The following SYNE2 variants were observed in gnomAD, a reference collection of about 807,000 sequenced individuals.
SYNE2 encodes the protein nesprin-2.
In SYNE2, 431 loss-of-function variants were observed where a neutral mutation model predicts 856.3. The ratio of observed to expected loss-of-function variants is 0.50; its 90% CI spans 0.47 to 0.55. The LOEUF (loss-of-function observed/expected upper bound fraction) is 0.55, where lower values mean the gene tolerates loss of function less well. Among genes scored for constraint, SYNE2 ranks in the 20% least tolerant of loss-of-function variants. The pLI is 0.00. For missense variants in SYNE2, 8,129 were observed against 8,023.2 expected (o/e 1.01, Z -0.50); for synonymous variants, 2,923 against 2,872.3 (o/e 1.02, Z -0.56).
intron 96 of SYNE2, among the ~76,000 whole-genome samples, chr14:64,181,872 T>A (rs951707193): frequency 1.3e-5 from 2 of 152,276 alleles, no homozygotes; most frequent in Non-Finnish European, 2.9e-5. Context: ...AATGGACATC[T>A]GTGTTTCATA....
chr14:63,954,340 A>C (rs971164739), intron 7 of SYNE2, among the ~76,000 whole-genome samples: 1 of 152,186 alleles, frequency 6.6e-6, no homozygotes. Context: ...AGATTTGGTA[A>C]TGAAGGGCAT....
At position 64,163,566 on chromosome 14, in the gene SYNE2, A is replaced by G. The variant is rs201823701; in HGVS notation, c.16464A>G (p.Lys5488=). Residue 5488 remains lysine, a synonymous_variant, in exon 89 of 116, where the codon AAA becomes AAG. Transcript: ENST00000555002. ...ATTTGGAAAAGATGCTGCTTGTGAA[A>G]GCAAATGAATTTGAGGTTCATCTTT... is the stretch of plus-strand genomic sequence containing the variant. ...AAYLEKMLLV[K]ANEFEFVLSQ... is the part of the protein sequence containing the mutation. The G allele has an allele frequency of 1.4e-5, 22 of 1,614,158 alleles. No homozygotes were observed. Among genetic ancestry groups the G allele is most frequent in the Non-Finnish European group, 1.8e-5 (21 of 1,180,034 alleles).
At chr14:63,812,057 G>C (rs1217603416) in intron 1 of SYNE2, among the ~76,000 whole-genome samples, 1 of 152,138 alleles carries the variant, frequency 6.6e-6, no homozygotes, top group Non-Finnish European at 1.5e-5. Context: ...GAACCGGTCT[G>C]ACCTCAAATT....
At position 63,930,562 on chromosome 14, in the gene SYNE2, C is replaced by T. The variant is rs117035704; in HGVS notation, c.80-10052C>T. ...TTTTTTTTTTTTTTAAAGACAGAGTCCTGCTCTCCTGCCCAGGCTGGAGCG... is the reference window on the plus strand; with the variant it reads ...TTTTTTTTTTTTTTAAAGACAGAGTTCTGCTCTCCTGCCCAGGCTGGAGCG... On this transcript the variant is annotated intron_variant, in intron 2 of 115. Coordinates refer to ENST00000555002, the MANE Select transcript of SYNE2 (RefSeq NM_182914.3). 9.4e-4 allele frequency among the ~76,000 whole-genome samples: 140 copies of T among 148,378 alleles called. 2 individuals carry two copies. In the South Asian group the frequency reaches 0.014, roughly 15 times the overall value.
Position 64,223,271 on chromosome 14 carries a change from A to C in SYNE2, c.20273A>C (p.His6758Pro). 3.7e-6 allele frequency: 6 copies of C among 1,614,212 alleles called. No homozygotes were observed. Among genetic ancestry groups the C allele is most frequent in the Non-Finnish European group, 5.1e-6 (6 of 1,180,032 alleles). The change falls in exon 113 of 116, where the codon CAT (histidine) becomes CCT (proline). Residue 6758 changes from histidine to proline, a missense_variant. Coordinates refer to ENST00000555002, the MANE Select transcript of SYNE2 (RefSeq NM_182914.3). ...EISNSLLIKGHGEDCIEAEEK... is the reference protein window; with the variant it reads ...EISNSLLIKGPGEDCIEAEEK... Reference sequence around the variant, plus strand: ...TCAAACAGCCTTCTCATTAAGGGACATGGAGAAGACTGTATTGAAGCTGAA... The same window carrying C: ...TCAAACAGCCTTCTCATTAAGGGACCTGGAGAAGACTGTATTGAAGCTGAA...
chr14:63,841,936 T>C (rs1216762504), intron 1 of SYNE2, among the ~76,000 whole-genome samples: 2 of 145,850 alleles, frequency 1.4e-5, no homozygotes, highest in African/African-American at 5.0e-5. Context: ...AAGTTCACAC[T>C]ATTTTCCTGC....
At position 64,140,090 on chromosome 14, in the gene SYNE2, T is replaced by C; in HGVS notation, c.14976+17T>C. 1 of 1,609,056 alleles carries C rather than the reference T, an allele frequency of 6.2e-7. No homozygotes were observed. On this transcript the variant is annotated intron_variant, in intron 80 of 115. Coordinates refer to ENST00000555002, the MANE Select transcript of SYNE2 (RefSeq NM_182914.3). ...AATTTTTTTGTAAGTTGTAATAGCA[T>C]ATGTTCAGTTAATTACTGGTCAGAA... is the stretch of plus-strand genomic sequence containing the variant.
At chr14:63,771,637 G>C (rs951976161) in intron 1 of SYNE2, among the ~76,000 whole-genome samples, 1 of 152,088 alleles carries the variant, frequency 6.6e-6, no homozygotes, top group Non-Finnish European at 1.5e-5. Context: ...GGTGGCTTAC[G>C]CCTGTAATCC....
intron 110 of SYNE2, among the ~76,000 whole-genome samples, chr14:64,220,164 C>T (rs927349881): frequency 2.6e-5 from 4 of 152,194 alleles, no homozygotes; most frequent in African/African-American, 9.7e-5. Flanking sequence ...GGTCCAGAAA[C>T]ATTAAGCCAG....
chr14:64,070,871 C>A lies in SYNE2; in HGVS notation c.10658C>A (p.Ala3553Glu). Residue 3553 changes from alanine to glutamate, a missense_variant, in exon 52 of 116, where the codon GCA (alanine) becomes GAA (glutamate). Coordinates refer to ENST00000555002, the MANE Select transcript of SYNE2 (RefSeq NM_182914.3). ...TCAGGGGCTGTGGAAACTGTTCCAG[C>A]ATTTCAAGAAATTACTTCTATGAAA... ...ESSGAVETVP[A>E]FQEITSMKER... The A allele has an allele frequency of 6.2e-7, 1 of 1,614,132 alleles. No individual in the cohort carries two copies. The highest frequency in any genetic ancestry group is 8.5e-7 in the Non-Finnish European group (1 of 1,180,002).
intron 99 of SYNE2, among the ~76,000 whole-genome samples, chr14:64,195,869 C>T (rs999946022): frequency 6.6e-6 from 1 of 152,062 alleles, no homozygotes; most frequent in African/African-American, 2.4e-5. Context: ...TATTTTAGCA[C>T]AGGGAGAGCC....
chr14:64,188,708 G>A lies in SYNE2; in HGVS notation c.17871G>A (p.Lys5957=). 6.2e-7 allele frequency: 1 copy of A among 1,614,094 alleles called. No homozygotes were observed. The highest frequency in any genetic ancestry group is 8.5e-7 in the Non-Finnish European group (1 of 1,180,010). Residue 5957 remains lysine (K), a splice_region_variant and synonymous_variant, in exon 98 of 116, where the codon AAG becomes AAA. Transcript: ENST00000555002. ...SIEEMIEKLQ[K]DCMEEINLFS... is the part of the protein sequence containing the mutation. ...AAGAAATGATTGAAAAGTTACAGAA[G>A]GTAAGGGAGGACACCCAGGTGGATG...
chr14:64,142,977 G>A (rs1301212824), intron 82 of SYNE2, among the ~76,000 whole-genome samples: 1 of 152,204 alleles, frequency 6.6e-6, no homozygotes, highest in Admixed American at 6.5e-5. Flanking sequence ...CAGGCTGATG[G>A]AACTAGCTTC....
intron 45 of SYNE2, among the ~76,000 whole-genome samples, chr14:64,040,476 A>G (rs1016671873): frequency 1.3e-5 from 2 of 151,806 alleles, no homozygotes; most frequent in Admixed American, 1.3e-4. Context: ...GCTTTGGCCA[A>G]ATTAAGCAGC....
At chr14:63,803,625 G>A (rs985178734) in intron 1 of SYNE2, among the ~76,000 whole-genome samples, 1 of 152,186 alleles carries the variant, frequency 6.6e-6, no homozygotes, top group African/African-American at 2.4e-5. Context: ...ACGCAGCCCC[G>A]GTTCCTGCTC....
At chr14:63,995,260 G>A (rs2096704143) in intron 23 of SYNE2, 58 bp downstream of exon 23, 3 of 1,453,566 alleles carry the variant, frequency 2.1e-6, no homozygotes, top group South Asian at 1.2e-5. Context: ...ATCTTAAATG[G>A]TTGTGTGTAT....
At position 64,031,302 on chromosome 14, in the gene SYNE2, C is replaced by G; in HGVS notation, c.7166C>G (p.Ser2389Cys). ...EKQATSDVQE[S>C]TQESAAVEKL... is the part of the protein sequence containing the mutation. ...CAGGCCACTTCTGATGTGCAGGAGT[C>G]TACTCAGGAATCAGCTGCAGTGGAA... Residue 2389 changes from serine (S) to cysteine (C), a missense_variant, in exon 45 of 116, where the codon TCT becomes TGT. Ser to Cys is a moderately radical substitution (Grantham distance 112). Coordinates refer to ENST00000555002, the MANE Select transcript of SYNE2 (RefSeq NM_182914.3). 6.2e-7 allele frequency: 1 copy of G among 1,614,130 alleles called. No individual in the cohort carries two copies. Among genetic ancestry groups the G allele is most frequent in the Non-Finnish European group, 8.5e-7 (1 of 1,180,034 alleles).
rs1046051715 is a variant in SYNE2, at chr14:64,097,702, G to A, written c.12109-247G>A. Among the ~76,000 whole-genome samples the A allele has an allele frequency of 6.6e-5, 10 of 152,310 alleles. No individual in the cohort carries two copies. The South Asian group carries it at 1.2e-3, about 19-fold the overall frequency. On this transcript the variant is annotated intron_variant, in intron 61 of 115. Coordinates refer to ENST00000555002, the MANE Select transcript of SYNE2 (RefSeq NM_182914.3). ...AAGTTTCCATGCTTTGGCTCAACCCGCAGAGATTCTGATTCACAAGGTCTC... is the reference window on the plus strand; with the variant it reads ...AAGTTTCCATGCTTTGGCTCAACCCACAGAGATTCTGATTCACAAGGTCTC...
At chr14:64,042,731 C>T (rs1271020399) in intron 45 of SYNE2, among the ~76,000 whole-genome samples, 1 of 150,656 alleles carries the variant, frequency 6.6e-6, no homozygotes, top group African/African-American at 2.4e-5. Context: ...CTTCCCCAGC[C>T]ACGTGGAACT....
Sources: gnomAD v4.1 joint callset for allele counts (sites outside exome capture counted in the v4.1 genomes callset) on GRCh38, gnomAD v4.1.1 for gene constraint, MANE v1.5 for transcripts, NCBI Gene and HGNC (gene_info 2026-07-23, HGNC 2026-07-21) for gene names.